Variants in RBM23 observed in about 807,000 individuals in gnomAD.
RBM23 encodes the protein RNA binding motif protein 23.
A neutral mutation model predicts 56.2 loss-of-function variants in RBM23; 53 were observed. That is an observed-to-expected ratio of 0.94 (90% CI 0.76 to 1.19). RBM23 has a LOEUF of 1.19. RBM23 is among the 50% of genes most tolerant of loss of function. The probability of loss-of-function intolerance (pLI) is 0.00; values close to 1 mark genes in which losing one functional copy is unlikely to be tolerated. For missense variants in RBM23, 642 were observed against 590.3 expected, an observed-to-expected ratio of 1.09 and a Z score of -0.91; for synonymous variants, 197 against 198.5, an observed-to-expected ratio of 0.99 and a Z score of 0.06.
intron 1 of RBM23, among the ~76,000 whole-genome samples, chr14:22,915,496 CTT>C (rs71115587): frequency 9.8e-4 from 122 of 123,968 alleles, no homozygotes; most frequent in East Asian, 9.6e-3. Context: ...CCATGCCTGG[CTT>C]TTTTTTTTTT....
chr14:22,905,159 G>C lies in RBM23; in HGVS notation c.661C>G (p.Pro221Ala), dbSNP rs1566545574. The C allele has an allele frequency of 5.6e-6, 9 of 1,614,168 alleles. No homozygotes were observed. The Admixed American group carries it at 1.5e-4, about 27-fold the overall frequency. The stretch of plus-strand genomic sequence containing the variant: ...TGCCCAGTCAGCCCAATGGCCAGTG[G>C]CACAGACTGGATTTCACAGAATTCC... ...YVEFCEIQSV[P>A]LAIGLTGQRL... Residue 221 changes from proline (P) to alanine (A), a missense_variant, in exon 8 of 14, where the codon CCA becomes GCA. By Grantham distance (27) the Pro-to-Ala change is conservative. Coordinates refer to ENST00000359890, the MANE Select transcript of RBM23 (RefSeq NM_001077351.2).
chr14:22,898,161 G>T lies in RBM23; in HGVS notation c.*3569C>A, dbSNP rs2040278014. On this transcript the variant is annotated 3_prime_UTR_variant, in exon 14 of 14. Coordinates refer to ENST00000359890, the MANE Select transcript of RBM23 (RefSeq NM_001077351.2). ...ATGCTCCAGGACTAAAAGTTCACAG[G>T]TCAAGCCTCTGCTTCTACTGGTAAC... The T allele has an allele frequency of 6.6e-6, 1 of 152,188 alleles. No individual in the cohort carries two copies. Among genetic ancestry groups the T allele is most frequent in the African/African-American group, 2.4e-5 (1 of 41,446 alleles). 9.4% of individuals were successfully genotyped at this position (152,188 alleles called of 1,614,324 possible). A position where few individuals can be genotyped will look rare whatever the true frequency, so the allele number is the denominator to read the frequency against.
chr14:22,912,978 G>T (rs1250301441), intron 1 of RBM23, among the ~76,000 whole-genome samples: 1 of 110,516 alleles, frequency 9.0e-6, no homozygotes, highest in Non-Finnish European at 1.7e-5. Context: ...CCAACCTGGA[G>T]ACAGAGTGAG....
chr14:22,916,110 G>C (rs1176886803), intron 1 of RBM23, among the ~76,000 whole-genome samples: 1 of 152,152 alleles, frequency 6.6e-6, no homozygotes, highest in Non-Finnish European at 1.5e-5. Flanking sequence ...CAACTACTCA[G>C]GAGCCTGAAA....
chr14:22,916,836 T>C (rs1473856157), intron 1 of RBM23, among the ~76,000 whole-genome samples: 1 of 152,148 alleles, frequency 6.6e-6, no homozygotes, highest in East Asian at 1.9e-4. Flanking sequence ...TAGACTAATA[T>C]ACACTATGGG....
chr14:22,901,979 C>G lies in RBM23; in HGVS notation c.1246+1G>C. The stretch of plus-strand genomic sequence containing the variant: ...CCTTCCTTTCCCATGTCCAAGACTA[C>G]CAGTCAGAGCTGCTGGATTCAGGGC... On this transcript the variant is annotated splice_donor_variant, in intron 12 of 13. Transcript: ENST00000359890. LOFTEE classifies it high-confidence loss of function. The G allele has an allele frequency of 1.2e-6, 2 of 1,610,904 alleles. No homozygotes were observed. Among genetic ancestry groups the G allele is most frequent in the Admixed American group, 3.3e-5 (2 of 59,844 alleles).
At position 22,899,111 on chromosome 14, in the gene RBM23, A is replaced by G. The variant is rs1049922769; in HGVS notation, c.*2619T>C. ...TTGAATGTGTCCCCCAAAAGTTCAC[A>G]TTGGAAATTTGACTCCCAATGCAAC... On this transcript the variant is annotated 3_prime_UTR_variant, in exon 14 of 14. Coordinates refer to ENST00000359890, the MANE Select transcript of RBM23 (RefSeq NM_001077351.2). 6.6e-6 allele frequency: 1 copy of G among 152,226 alleles called. No individual in the cohort carries two copies. Among genetic ancestry groups the G allele is most frequent in the African/African-American group, 2.4e-5 (1 of 41,452 alleles). 9.4% of individuals were successfully genotyped at this position (152,226 alleles called of 1,614,324 possible).
chr14:22,917,537 T>C (rs901683357), intron 1 of RBM23: 1 of 151,354 alleles, frequency 6.6e-6, no homozygotes, highest in South Asian at 2.1e-4. Context: ...ACTATGCATT[T>C]TCAGGCTGGT....
At position 22,904,304 on chromosome 14, in the gene RBM23, T is replaced by C. The variant is rs770154910; in HGVS notation, c.887A>G (p.Lys296Arg). Reference sequence around the variant, plus strand: ...TTTAGAGCGGCCTGTATCTGAGTCCTTCATCAGGACAATATTATCAATCTG... The same window carrying C: ...TTTAGAGCGGCCTGTATCTGAGTCCCTCATCAGGACAATATTATCAATCTG... Reference protein sequence around the residue: ...FGKIDNIVLMKDSDTGRSKGY... With the variant: ...FGKIDNIVLMRDSDTGRSKGY... The change falls in exon 10 of 14, where the codon AAG becomes AGG. Residue 296 changes from lysine (K) to arginine (R), a missense_variant. Coordinates refer to ENST00000359890, the MANE Select transcript of RBM23 (RefSeq NM_001077351.2). 1 of 1,611,082 alleles carries C rather than the reference T, an allele frequency of 6.2e-7. No individual in the cohort carries two copies. The highest frequency in any genetic ancestry group is 8.5e-7 in the Non-Finnish European group (1 of 1,177,388).
Position 22,902,317 on chromosome 14 carries a change from T to C in RBM23, c.996A>G (p.Arg332=). Residue 332 remains arginine (R), a synonymous_variant, in exon 11 of 14, where the codon CGA becomes CGG. Transcript: ENST00000359890. Reference sequence around the variant, plus strand: ...CAGTCACATGGCCAACCCTCATAGGTCGACCAGCAAGCTCAAACCCATTCA... The same window carrying C: ...CAGTCACATGGCCAACCCTCATAGGCCGACCAGCAAGCTCAAACCCATTCA... The part of the protein sequence containing the change: ...EQLNGFELAG[R]PMRVGHVTER... 1 of 1,614,106 alleles carries C rather than the reference T, an allele frequency of 6.2e-7. No individual in the cohort carries two copies. The highest frequency in any genetic ancestry group is 8.5e-7 in the Non-Finnish European group (1 of 1,180,018).
rs1555336814 is a variant in RBM23 at position 22,902,756 on chromosome 14, C to CCTTTTTTTTTTTTTTTTT, written c.931-375_931-374insAAAAAAAAAAAAAAAAAG. ...GTTCTCTATCCTAGTAAGTTTTAGTCTTTTTTTTTTTTTTTTTTTTTTTTT... is the reference window on the plus strand; with the variant it reads ...GTTCTCTATCCTAGTAAGTTTTAGTCCTTTTTTTTTTTTTTTTTTTTTTTTTTTTTTTTTTTTTTTTTT... On this transcript the variant is annotated intron_variant, in intron 10 of 13. Coordinates refer to ENST00000359890, the MANE Select transcript of RBM23 (RefSeq NM_001077351.2). 27 of 432,480 alleles carry CCTTTTTTTTTTTTTTTTT rather than the reference C, an allele frequency of 6.2e-5. 13 individuals carry two copies. The highest frequency in any genetic ancestry group is 1.9e-4 in the African/African-American group (6 of 31,410). 26.8% of individuals were successfully genotyped at this position (432,480 alleles called of 1,614,324 possible).
chr14:22,906,629 T>C (rs956699206), intron 4 of RBM23, among the ~76,000 whole-genome samples: 4 of 152,228 alleles, frequency 2.6e-5, no homozygotes, highest in African/African-American at 4.8e-5. Context: ...CTCATGAAGA[T>C]AGAAAGACTA....
intron 6 of RBM23, 58 bp downstream of exon 6, chr14:22,905,548 C>T: frequency 6.2e-7 from 1 of 1,600,882 alleles, no homozygotes; most frequent in Non-Finnish European, 8.6e-7. Context: ...TAATTTGGCT[C>T]AAATAACCTT....
At position 22,918,827 on chromosome 14, in the gene RBM23, T is replaced by C. The variant is rs914921913; in HGVS notation, c.-11+172A>G. ...TAAAATCGTGGCAGTGGGCTACATT[T>C]AAGTAGCTAACACTTCCAGGTCAAA... On this transcript the variant is annotated intron_variant, in intron 1 of 13. Transcript: ENST00000359890. 8.5e-5 allele frequency: 13 copies of C among 152,212 alleles called. No individual in the cohort carries two copies. The East Asian group carries it at 2.3e-3, about 27-fold the overall frequency. The allele number at this position is 152,212 out of a possible 1,614,324, so 9.4% of individuals were successfully genotyped here.
chr14:22,906,262 C>T lies in RBM23; in HGVS notation c.334G>A (p.Glu112Lys), dbSNP rs1161328151. The T allele has an allele frequency of 6.2e-7, 1 of 1,614,252 alleles. No individual in the cohort carries two copies. The highest frequency in any genetic ancestry group is 8.5e-7 in the Non-Finnish European group (1 of 1,180,052). The change falls in exon 5 of 14, where the codon GAG becomes AAG. Residue 112 changes from glutamate (E) to lysine (K), a missense_variant. By Grantham distance (56) the Glu-to-Lys change is moderately conservative. Coordinates refer to ENST00000359890, the MANE Select transcript of RBM23 (RefSeq NM_001077351.2). The stretch of plus-strand genomic sequence containing the variant: ...CGACGATGGTCCCGACTTCGCGACT[C>T]ACTACCATGTCGACGATCCCAGCTA... ...SRSWDRRHGS[E>K]SRSRDHRRED...
At position 22,905,337 on chromosome 14, in the gene RBM23, T is replaced by A; in HGVS notation, c.572A>T (p.Lys191Met). The change falls in exon 7 of 14, where the codon AAG becomes ATG. Residue 191 changes from lysine (K) to methionine (M), a missense_variant and splice_region_variant. Transcript: ENST00000359890. ...DLEDFFSAVG[K>M]VRDVRIISDR... ...AGAAAACTAAGGTGGGAGGGTTACC[T>A]TGCCTACAGCAGAGAAAAAGTCCTC... is the stretch of plus-strand genomic sequence containing the variant. 6.2e-7 allele frequency: 1 copy of A among 1,614,056 alleles called. No homozygotes were observed. Among genetic ancestry groups the A allele is most frequent in the East Asian group, 2.2e-5 (1 of 44,866 alleles).
At chr14:22,906,468 A>T in intron 4 of RBM23, 100 bp from the exon 5 acceptor site, 1 of 1,351,140 alleles carries the variant, frequency 7.4e-7, no homozygotes, top group South Asian at 1.3e-5. Flanking sequence ...CGGTGCTGAG[A>T]AGTTCGTATA....
intron 10 of RBM23, chr14:22,903,205 T>C (rs2040924209): frequency 1.0e-6 from 1 of 985,514 alleles, no homozygotes; most frequent in Non-Finnish European, 1.2e-6. Context: ...GTTGACTAAG[T>C]GACCTGCTGA....
chr14:22,914,280 G>A (rs1226486138), intron 1 of RBM23, among the ~76,000 whole-genome samples: 4 of 143,834 alleles, frequency 2.8e-5, no homozygotes, highest in Admixed American at 7.1e-5. Context: ...AGCCAAGATC[G>A]TGCCACTGCA....
Sources: gnomAD v4.1 joint callset for allele counts (sites outside exome capture counted in the v4.1 genomes callset) on GRCh38, gnomAD v4.1.1 for gene constraint, MANE v1.5 for transcripts, NCBI Gene and HGNC (gene_info 2026-07-23, HGNC 2026-07-21) for gene names.